The following GRIN2B variants were observed in gnomAD, a reference collection of about 807,000 sequenced individuals.
The protein encoded by GRIN2B is glutamate receptor ionotropic, NMDA 2B.
GRIN2B carries 5 observed loss-of-function variants against 114.5 expected under a neutral mutation model. The observed-to-expected ratio is 0.04, with a 90% CI of 0.02 to 0.09. The LOEUF is 0.09. GRIN2B is among the 10% of genes least tolerant of loss of function. The pLI, the probability that GRIN2B is intolerant of heterozygous loss-of-function variation, is 1.00. For synonymous variants in GRIN2B, 787 were observed against 745.1 expected (o/e 1.06, Z -0.92); for missense variants, 1,108 against 1,943.5 (o/e 0.57, Z 8.08).
intron 2 of GRIN2B, among the ~76,000 whole-genome samples, chr12:13,930,605 C>T (rs1402730252): frequency 2.0e-5 from 3 of 152,126 alleles, no homozygotes; most frequent in East Asian, 3.8e-4. Context: ...ATTAATGTAT[C>T]GGTAATTTAT....
At chr12:13,616,770 G>T in intron 5 of GRIN2B, 113 bp from the exon 6 acceptor site, 1 of 819,500 alleles carries the variant, frequency 1.2e-6, no homozygotes, top group Non-Finnish European at 2.1e-6. Flanking sequence ...GCCAACAAGT[G>T]CCAACATTGT....
chr12:13,939,226 A>C (rs961013552), intron 2 of GRIN2B, among the ~76,000 whole-genome samples: 3 of 152,144 alleles, frequency 2.0e-5, no homozygotes, highest in African/African-American at 7.2e-5. Context: ...TACATTCTTG[A>C]TATGGTTTGG....
At chr12:13,904,543 G>A (rs1460878576) in intron 2 of GRIN2B, among the ~76,000 whole-genome samples, 2 of 151,916 alleles carry the variant, frequency 1.3e-5, no homozygotes, top group African/African-American at 2.4e-5. Context: ...TAATCATTTA[G>A]TTTCCCATTT....
chr12:13,781,971 T>A (rs960363911), intron 3 of GRIN2B, among the ~76,000 whole-genome samples: 1 of 152,176 alleles, frequency 6.6e-6, no homozygotes, highest in Non-Finnish European at 1.5e-5. Flanking sequence ...CATGATAACA[T>A]GAATGTGAGG....
intron 5 of GRIN2B, among the ~76,000 whole-genome samples, chr12:13,642,033 C>T (rs141835829): frequency 0.044 from 6,729 of 151,990 alleles, 438 homozygotes; most frequent in African/African-American, 0.14. Flanking sequence ...ATTAAAAATA[C>T]AAAAAATTAG....
intron 3 of GRIN2B, among the ~76,000 whole-genome samples, chr12:13,852,113 A>G (rs1865576013): frequency 6.6e-6 from 1 of 152,200 alleles, no homozygotes; most frequent in Non-Finnish European, 1.5e-5. Flanking sequence ...GTGGCAGGCC[A>G]TGAGGACTTG....
chr12:13,620,945 A>C (rs571456834), intron 5 of GRIN2B, among the ~76,000 whole-genome samples: 1 of 72,704 alleles, frequency 1.4e-5, no homozygotes, highest in South Asian at 7.2e-4. Context: ...GAAAGGTGAA[A>C]CTTTTTTGAA....
chr12:13,612,111 G>T (rs1421466850), intron 8 of GRIN2B, among the ~76,000 whole-genome samples: 1 of 152,172 alleles, frequency 6.6e-6, no homozygotes, highest in Non-Finnish European at 1.5e-5. Flanking sequence ...GCCATTATTG[G>T]ACCAATATCT....
chr12:13,874,978 G>A (rs11610517), intron 2 of GRIN2B, among the ~76,000 whole-genome samples: 3,787 of 152,176 alleles, frequency 0.025, 67 homozygotes, highest in Non-Finnish European at 0.041. Flanking sequence ...ATAGGTAAAC[G>A]TCTGCCATAG....
chr12:13,954,077 C>CTT (rs1867543861), intron 2 of GRIN2B, among the ~76,000 whole-genome samples: 1 of 152,192 alleles, frequency 6.6e-6, no homozygotes, highest in Non-Finnish European at 1.5e-5. Context: ...TAGCTACGTA[C>CTT]TTTGGTATTT....
At chr12:13,681,015 CCT>C (rs771665065) in intron 4 of GRIN2B, among the ~76,000 whole-genome samples, 60 of 152,166 alleles carry the variant, frequency 3.9e-4, no homozygotes, top group Non-Finnish European at 6.0e-4. Context: ...AGCCCTTCTG[CCT>C]CTCTGACTCT....
intron 2 of GRIN2B, among the ~76,000 whole-genome samples, chr12:13,890,578 C>A (rs1172218663): frequency 6.6e-6 from 1 of 152,144 alleles, no homozygotes; most frequent in African/African-American, 2.4e-5. Flanking sequence ...TATAGAGTAG[C>A]ATTTCCATAG....
chr12:13,906,918 C>T (rs1866545541), intron 2 of GRIN2B, among the ~76,000 whole-genome samples: 1 of 152,122 alleles, frequency 6.6e-6, no homozygotes, highest in Non-Finnish European at 1.5e-5. Flanking sequence ...ATGTTTGCAA[C>T]AGATTTATCT....
intron 4 of GRIN2B, among the ~76,000 whole-genome samples, chr12:13,733,715 G>A (rs967383385): frequency 6.6e-6 from 1 of 152,094 alleles, no homozygotes; most frequent in African/African-American, 2.4e-5. Context: ...CAGCGTTCTG[G>A]ATTAAAATCT....
intron 2 of GRIN2B, among the ~76,000 whole-genome samples, chr12:13,888,627 G>C (rs1457095833): frequency 6.6e-6 from 1 of 151,782 alleles, no homozygotes; most frequent in Non-Finnish European, 1.5e-5. Context: ...CCAGCTACTC[G>C]GGAGGCTGAG....
At position 13,551,190 on chromosome 12, in the gene GRIN2B, A is replaced by G. The variant is rs1221959660; in HGVS notation, c.*11593T>C. ...AGGCATTTATCCCTATTCCTTGAGA[A>G]TAGGGATTCTCAAGGAATTCTCCTA... On this transcript the variant is annotated 3_prime_UTR_variant, in exon 14 of 14. Coordinates refer to ENST00000609686, the MANE Select transcript of GRIN2B (RefSeq NM_000834.5). 6.6e-6 allele frequency: 1 copy of G among 152,120 alleles called. No homozygotes were observed. Among genetic ancestry groups the G allele is most frequent in the Non-Finnish European group, 1.5e-5 (1 of 68,014 alleles). 9.4% of individuals were successfully genotyped at this position (152,120 alleles called of 1,614,324 possible).
At chr12:13,660,455 T>A (rs1949910876) in intron 5 of GRIN2B, among the ~76,000 whole-genome samples, 1 of 152,182 alleles carries the variant, frequency 6.6e-6, no homozygotes, top group Non-Finnish European at 1.5e-5. Flanking sequence ...GTTTGTTGAA[T>A]TGAACTGAAG....
intron 10 of GRIN2B, among the ~76,000 whole-genome samples, chr12:13,599,811 C>G (rs997490580): frequency 6.6e-6 from 1 of 152,182 alleles, no homozygotes; most frequent in Non-Finnish European, 1.5e-5. Flanking sequence ...TGCTCCTCCC[C>G]ACCTGGGAGA....
intron 2 of GRIN2B, among the ~76,000 whole-genome samples, chr12:13,891,898 C>T (rs1866268731): frequency 6.6e-6 from 1 of 152,332 alleles, no homozygotes. Context: ...AAAAGGCACT[C>T]TTCTAAGTTG....
Sources: gnomAD v4.1 joint callset for allele counts (sites outside exome capture counted in the v4.1 genomes callset) on GRCh38, gnomAD v4.1.1 for gene constraint, MANE v1.5 for transcripts, NCBI Gene and HGNC (gene_info 2026-07-23, HGNC 2026-07-21) for gene names.